The following STX8 variants were observed in gnomAD, a reference collection of about 807,000 sequenced individuals.
The protein encoded by STX8 is syntaxin 8.
STX8 carries 23 observed loss-of-function variants against 37.5 expected under a neutral mutation model. The ratio of observed to expected loss-of-function variants is 0.61; its 90% CI spans 0.44 to 0.87. STX8 has a LOEUF of 0.87. STX8 is among the 40% of genes least tolerant of loss of function. The probability of loss-of-function intolerance (pLI) is 0.00; values close to 1 mark genes in which losing one functional copy is unlikely to be tolerated. For missense variants in STX8, 313 were observed against 284.7 expected (o/e 1.10, Z -0.71); for synonymous variants, 115 against 99.1 (o/e 1.16, Z -0.95).
In STX8 at chr17:9,324,392, C is replaced by T. The variant is rs145881534; in HGVS notation, c.643+54160G>A. On this transcript the variant is annotated intron_variant, in intron 7 of 7. Coordinates refer to ENST00000306357, the MANE Select transcript of STX8 (RefSeq NM_004853.3). ...ATACCTAGAGAACATGGCGCACATT[C>T]CAGGGGATGCTGACAGTTCTCCACC... is the stretch of plus-strand genomic sequence containing the variant. Among the ~76,000 whole-genome samples the T allele has an allele frequency of 1.6e-3, 244 of 152,128 alleles. 1 individual carries two copies. The East Asian group carries it at 0.016, about 10-fold the overall frequency.
intron 7 of STX8, among the ~76,000 whole-genome samples, chr17:9,352,683 T>A (rs1201213538): frequency 6.6e-6 from 1 of 151,710 alleles, no homozygotes; most frequent in East Asian, 1.9e-4. Flanking sequence ...TGTATTTTTT[T>A]AGTAGAGACG....
rs59655296 is a variant in STX8 at position 9,384,794 on chromosome 17, T to TTGTGTGTGTGTGTGTGTGTG, written c.542-6161_542-6142dup. On this transcript the variant is annotated intron_variant, in intron 6 of 7. Coordinates refer to ENST00000306357, the MANE Select transcript of STX8 (RefSeq NM_004853.3). Reference sequence around the variant, plus strand: ...GGAACAAAACAGAGTCCAGATAGACTTGTGTGTGTGTGTGTGTGTGTGTGT... The same window carrying TTGTGTGTGTGTGTGTGTGTG: ...GGAACAAAACAGAGTCCAGATAGACTTGTGTGTGTGTGTGTGTGTGTGTGTGTGTGTGTGTGTGTGTGTGT... Among the ~76,000 whole-genome samples, 386 of 147,744 alleles carry TTGTGTGTGTGTGTGTGTGTG rather than the reference T, an allele frequency of 2.6e-3. 1 individual carries two copies. The highest frequency in any genetic ancestry group is 0.018 in the Middle Eastern group (5 of 280).
At chr17:9,262,491 G>C (rs979675024) in intron 7 of STX8, among the ~76,000 whole-genome samples, 1 of 152,100 alleles carries the variant, frequency 6.6e-6, no homozygotes, top group Non-Finnish European at 1.5e-5. Flanking sequence ...ATCATCCCTC[G>C]GGTTCCTGCA....
chr17:9,544,936 A>G (rs1365935271), intron 4 of STX8, among the ~76,000 whole-genome samples: 1 of 152,238 alleles, frequency 6.6e-6, no homozygotes, highest in Non-Finnish European at 1.5e-5. Flanking sequence ...TGGAGCTTGC[A>G]GAGAGCCAAG....
At chr17:9,553,065 T>C (rs1262950195) in intron 3 of STX8, 1 of 152,226 alleles carries the variant, frequency 6.6e-6, no homozygotes, top group Non-Finnish European at 1.5e-5. Context: ...TGCTGCCTCC[T>C]GTGAAATGCC....
At chr17:9,500,629 G>T (rs571474174) in intron 5 of STX8, among the ~76,000 whole-genome samples, 1 of 152,268 alleles carries the variant, frequency 6.6e-6, no homozygotes, top group East Asian at 1.9e-4. Context: ...CATGATCCAA[G>T]ATCAATATAC....
chr17:9,430,026 T>G (rs1367795580), intron 6 of STX8, among the ~76,000 whole-genome samples: 3 of 30,352 alleles, frequency 9.9e-5, no homozygotes, highest in Admixed American at 6.0e-4. Context: ...ATATTATATA[T>G]AATATATTCT....
At chr17:9,400,375 C>T (rs1912563725) in intron 6 of STX8, among the ~76,000 whole-genome samples, 1 of 151,668 alleles carries the variant, frequency 6.6e-6, no homozygotes, top group African/African-American at 2.4e-5. Flanking sequence ...GCTGGGGTTA[C>T]AGGTGTGAGC....
chr17:9,358,737 A>G (rs1402857898), intron 7 of STX8, among the ~76,000 whole-genome samples: 4 of 152,326 alleles, frequency 2.6e-5, no homozygotes, highest in South Asian at 4.1e-4. Flanking sequence ...TTTAAAAGGC[A>G]TATTCTTGAC....
intron 6 of STX8, among the ~76,000 whole-genome samples, chr17:9,457,184 T>C (rs1483449030): frequency 6.6e-6 from 1 of 152,190 alleles, no homozygotes; most frequent in African/African-American, 2.4e-5. Flanking sequence ...CCCACACACC[T>C]AGTGCCTTAA....
chr17:9,348,366 C>T (rs1910598687), intron 7 of STX8, among the ~76,000 whole-genome samples: 1 of 147,678 alleles, frequency 6.8e-6, no homozygotes, highest in East Asian at 2.0e-4. Context: ...TGCAATGAGC[C>T]GAGATTGCGC....
chr17:9,465,790 C>T (rs1009566751), intron 6 of STX8, among the ~76,000 whole-genome samples: 1 of 152,122 alleles, frequency 6.6e-6, no homozygotes, highest in Non-Finnish European at 1.5e-5. Flanking sequence ...CCTGCATATA[C>T]GCGATCCCAT....
intron 7 of STX8, among the ~76,000 whole-genome samples, chr17:9,270,396 C>T (rs187368960): frequency 1.4e-4 from 22 of 152,172 alleles, no homozygotes; most frequent in East Asian, 7.7e-4. Flanking sequence ...TACAGGTGCC[C>T]GCCACCACGC....
At chr17:9,427,735 G>T (rs572712905) in intron 6 of STX8, among the ~76,000 whole-genome samples, 1 of 152,292 alleles carries the variant, frequency 6.6e-6, no homozygotes, top group African/African-American at 2.4e-5. Context: ...TGGACACAGA[G>T]GGAAGATGCC....
At chr17:9,318,427 A>T (rs1464491243) in intron 7 of STX8, among the ~76,000 whole-genome samples, 1 of 152,208 alleles carries the variant, frequency 6.6e-6, no homozygotes, top group Non-Finnish European at 1.5e-5. Context: ...TTGTACCCAT[A>T]AAAATAATGA....
chr17:9,334,484 G>A (rs892552833), intron 7 of STX8, among the ~76,000 whole-genome samples: 13 of 152,304 alleles, frequency 8.5e-5, no homozygotes, highest in African/African-American at 2.9e-4. Context: ...ACAGCTTGGA[G>A]GTTAGAGGCA....
intron 6 of STX8, among the ~76,000 whole-genome samples, chr17:9,426,149 G>A (rs1913621329): frequency 6.6e-6 from 1 of 152,148 alleles, no homozygotes; most frequent in South Asian, 2.1e-4. Flanking sequence ...ATAAAGAACT[G>A]GGGGCCAAGT....
chr17:9,460,181 G>A (rs1477311380), intron 6 of STX8, among the ~76,000 whole-genome samples: 2 of 152,216 alleles, frequency 1.3e-5, no homozygotes, highest in South Asian at 2.1e-4. Flanking sequence ...GCTTCAGAGT[G>A]TATGAAAGGG....
intron 6 of STX8, among the ~76,000 whole-genome samples, chr17:9,435,503 A>T (rs1437306534): frequency 6.6e-6 from 1 of 152,232 alleles, no homozygotes; most frequent in East Asian, 1.9e-4. Flanking sequence ...ATCGTTACTT[A>T]TCTGGATTGT....
Sources: gnomAD v4.1 joint callset for allele counts (sites outside exome capture counted in the v4.1 genomes callset) on GRCh38, gnomAD v4.1.1 for gene constraint, MANE v1.5 for transcripts, NCBI Gene and HGNC (gene_info 2026-07-23, HGNC 2026-07-21) for gene names.